KIAA1217: variants seen among roughly 807,000 people sequenced by gnomAD.
The protein encoded by KIAA1217 is KIAA1217.
A neutral mutation model predicts 163.9 loss-of-function variants in KIAA1217; 88 were observed. That is an observed-to-expected ratio of 0.54 (90% CI 0.45 to 0.64). KIAA1217 has a LOEUF of 0.64. Ranked by LOEUF, KIAA1217 falls within the 30% of genes least tolerant of loss-of-function variation. The pLI is 0.00. For synonymous variants in KIAA1217, 903 were observed against 923.1 expected (o/e 0.98, Z 0.39); for missense variants, 2,372 against 2,475.0 (o/e 0.96, Z 0.88).
rs115553941 is a variant in KIAA1217 at position 24,395,006 on chromosome 10, A to G, written c.553+13939A>G. 7.0e-3 allele frequency among the ~76,000 whole-genome samples: 1,062 copies of G among 152,226 alleles called. 12 individuals are homozygous for G. The highest frequency in any genetic ancestry group is 0.025 in the African/African-American group (1,018 of 41,536). ...TGGGACCTCATAATTTGCATTTCTCACAATTTCCCAGGTGACATGGATGCT... is the reference window on the plus strand; with the variant it reads ...TGGGACCTCATAATTTGCATTTCTCGCAATTTCCCAGGTGACATGGATGCT... On this transcript the variant is annotated intron_variant, in intron 3 of 20. Transcript: ENST00000376454.
chr10:23,935,681 A>G (rs774402093), intron 1 of KIAA1217, among the ~76,000 whole-genome samples: 2 of 152,228 alleles, frequency 1.3e-5, no homozygotes, highest in Non-Finnish European at 2.9e-5. Flanking sequence ...AAATCATATA[A>G]TTAATGTTTA....
chr10:24,360,018 G>A (rs1381423580), intron 2 of KIAA1217, among the ~76,000 whole-genome samples: 2 of 137,218 alleles, frequency 1.5e-5, no homozygotes, highest in Admixed American at 7.4e-5. Context: ...CTGACAGACT[G>A]TGTATCTTTA....
intron 1 of KIAA1217, among the ~76,000 whole-genome samples, chr10:23,993,102 G>A (rs1846294091): frequency 6.8e-6 from 1 of 146,610 alleles, no homozygotes; most frequent in Admixed American, 7.0e-5. Context: ...TGAGATCTCG[G>A]CTCACTGCAA....
chr10:24,093,985 A>AT (rs1318383997), intron 2 of KIAA1217, among the ~76,000 whole-genome samples: 2 of 151,760 alleles, frequency 1.3e-5, no homozygotes, highest in African/African-American at 2.4e-5. Flanking sequence ...TGAACTCATC[A>AT]TTTTTTATGG....
chr10:24,052,805 T>A (rs916703805), intron 2 of KIAA1217, among the ~76,000 whole-genome samples: 7 of 152,278 alleles, frequency 4.6e-5, no homozygotes, highest in African/African-American at 1.7e-4. Flanking sequence ...TATATGTTCT[T>A]AAGGGTAGTT....
chr10:23,786,468 C>T (rs905515657), intron 1 of KIAA1217, among the ~76,000 whole-genome samples: 3 of 151,450 alleles, frequency 2.0e-5, no homozygotes, highest in African/African-American at 7.3e-5. Context: ...CTTGACTTTT[C>T]CGGCTATTGT....
chr10:24,233,180 A>G (rs1191382189), intron 2 of KIAA1217, among the ~76,000 whole-genome samples: 1 of 152,134 alleles, frequency 6.6e-6, no homozygotes, highest in Non-Finnish European at 1.5e-5. Context: ...GCCCTCTCTT[A>G]GTCCATTTGT....
At chr10:23,720,509 A>G (rs567369257) in intron 1 of KIAA1217, among the ~76,000 whole-genome samples, 2 of 152,276 alleles carry the variant, frequency 1.3e-5, no homozygotes, top group East Asian at 3.9e-4. Context: ...TGAGCTGAAT[A>G]GACTGATAGA....
chr10:24,207,895 C>A (rs1455473130), upstream of KIAA1217, among the ~76,000 whole-genome samples: 1 of 152,186 alleles, frequency 6.6e-6, no homozygotes, highest in Admixed American at 6.5e-5. Context: ...CATAGGCTGG[C>A]CATTGTTCAG....
At position 24,544,248 on chromosome 10, in the gene KIAA1217, A is replaced by G; in HGVS notation, c.4978A>G (p.Lys1660Glu). Reference sequence around the variant, plus strand: ...GATTTCAAGAACTGATGAAATTAGAAAAAACACCTACAGAACATTGGATAG... The same window carrying G: ...GATTTCAAGAACTGATGAAATTAGAGAAAACACCTACAGAACATTGGATAG... ...SPISRTDEIR[K>E]NTYRTLDSLE... The change falls in exon 19 of 21, where the codon AAA becomes GAA. Residue 1660 changes from lysine to glutamate, a missense_variant. By Grantham distance (56) the Lys-to-Glu change is moderately conservative. Around this residue, in one of 3 missense-constraint regions of KIAA1217, gnomAD observed 690 missense variants for 677.5 expected, o/e 1.02. Transcript: ENST00000376454. 6.2e-7 allele frequency: 1 copy of G among 1,614,188 alleles called. No individual in the cohort carries two copies. The highest frequency in any genetic ancestry group is 2.2e-5 in the East Asian group (1 of 44,868).
intron 2 of KIAA1217, among the ~76,000 whole-genome samples, chr10:24,372,940 A>C (rs12244966): frequency 6.6e-6 from 1 of 152,086 alleles, no homozygotes; most frequent in Non-Finnish European, 1.5e-5. Flanking sequence ...AAATCAAACC[A>C]ATCTATCCTG....
At position 23,817,246 on chromosome 10, in the gene KIAA1217, G is replaced by T. The variant is rs372284824; in HGVS notation, c.-321+122012G>T. Among the ~76,000 whole-genome samples the T allele has an allele frequency of 2.0e-5, 3 of 152,150 alleles. No homozygotes were observed. The East Asian group carries it at 5.8e-4, about 29-fold the overall frequency. ...CATAGTGAATTGCCTCTCATTGGCA[G>T]TTGCGACAGTAGGATAAGACAGGAT... On this transcript the variant is annotated intron_variant, in intron 1 of 18. Coordinates refer to the KIAA1217 transcript ENST00000376462.
chr10:23,703,712 T>A (rs1039499080), intron 1 of KIAA1217, among the ~76,000 whole-genome samples: 3 of 152,104 alleles, frequency 2.0e-5, no homozygotes, highest in African/African-American at 7.2e-5. Flanking sequence ...TGTTTTCCTC[T>A]TATTCTTTCT....
chr10:24,447,176 C>G (rs191706596), intron 5 of KIAA1217, among the ~76,000 whole-genome samples: 1 of 151,838 alleles, frequency 6.6e-6, no homozygotes, highest in African/African-American at 2.4e-5. Flanking sequence ...TATTGATGCA[C>G]GCTTCTTTTT....
At chr10:24,330,270 A>G (rs1341028227) in intron 2 of KIAA1217, among the ~76,000 whole-genome samples, 2 of 150,612 alleles carry the variant, frequency 1.3e-5, no homozygotes, top group East Asian at 3.9e-4. Flanking sequence ...ACTGCACTCC[A>G]GCCTAGGTAA....
At chr10:24,003,670 C>T (rs76012926) in intron 1 of KIAA1217, among the ~76,000 whole-genome samples, 3,540 of 152,262 alleles carry the variant, frequency 0.023, 150 homozygotes, top group African/African-American at 0.081. Context: ...GGTTTCACAA[C>T]TGCTTTTCTC....
intron 1 of KIAA1217, among the ~76,000 whole-genome samples, chr10:23,894,043 G>T (rs1341884423): frequency 6.6e-6 from 1 of 151,946 alleles, no homozygotes; most frequent in Non-Finnish European, 1.5e-5. Flanking sequence ...ATACTGAATG[G>T]GCAAAAGCTG....
intron 2 of KIAA1217, among the ~76,000 whole-genome samples, chr10:24,013,413 TA>T (rs2131495891): frequency 6.6e-6 from 1 of 152,024 alleles, no homozygotes; most frequent in East Asian, 1.9e-4. Context: ...GAAACACACA[TA>T]AAAAAGGTTA....
intron 4 of KIAA1217, among the ~76,000 whole-genome samples, chr10:24,434,304 G>C (rs1205360931): frequency 6.6e-6 from 1 of 152,116 alleles, no homozygotes; most frequent in Admixed American, 6.5e-5. Flanking sequence ...CTCCCAAAGT[G>C]CTAGGATTAC....
Sources: allele counts gnomAD v4.1 joint callset (sites outside exome capture counted in the v4.1 genomes callset), GRCh38; gene constraint gnomAD v4.1.1; regional missense constraint gnomAD v4.1.1; transcripts MANE v1.5; gene names NCBI Gene and HGNC (gene_info 2026-07-23, HGNC 2026-07-21).